EBF2: variants seen among roughly 807,000 people sequenced by gnomAD.
EBF2 encodes transcription factor COE2.
In EBF2, 21 loss-of-function variants were observed where a neutral mutation model predicts 72.8. That is an observed-to-expected ratio of 0.29 (90% CI 0.20 to 0.42). EBF2 has a LOEUF of 0.42. Among genes scored for constraint, EBF2 ranks in the 10% least tolerant of loss-of-function variants. The pLI is 1.00. For missense variants in EBF2, 637 were observed against 731.2 expected (o/e 0.87, Z 1.49); for synonymous variants, 299 against 274.2 (o/e 1.09, Z -0.89).
intron 10 of EBF2, among the ~76,000 whole-genome samples, chr8:25,864,930 T>C (rs1215057351): frequency 6.6e-6 from 1 of 151,916 alleles, no homozygotes; most frequent in Non-Finnish European, 1.5e-5. Flanking sequence ...CTTGAGTAGC[T>C]GGGCTTACAG....
At chr8:25,870,800 T>C (rs906859547) in intron 10 of EBF2, among the ~76,000 whole-genome samples, 7 of 151,984 alleles carry the variant, frequency 4.6e-5, no homozygotes, top group Admixed American at 1.3e-4. Flanking sequence ...GGCAGAATTG[T>C]CTATTTTTAT....
At chr8:25,958,049 C>T (rs905365259) in intron 6 of EBF2, among the ~76,000 whole-genome samples, 13 of 152,144 alleles carry the variant, frequency 8.5e-5, no homozygotes, top group African/African-American at 2.7e-4. Flanking sequence ...GATCTCTTTG[C>T]TGCATGTCTT....
intron 6 of EBF2, among the ~76,000 whole-genome samples, chr8:26,006,034 A>G (rs1346797859): frequency 6.6e-6 from 1 of 152,006 alleles, no homozygotes; most frequent in Non-Finnish European, 1.5e-5. Context: ...ACAAACATCC[A>G]TTTTCACAAG....
At chr8:26,040,491 C>A in intron 4 of EBF2, 125 bp downstream of exon 4, 5 of 802,122 alleles carry the variant, frequency 6.2e-6, no homozygotes, top group South Asian at 1.9e-5. Context: ...GGGAGGGGGA[C>A]GTGGAGGGGG....
chr8:25,958,605 T>C (rs2117176447), intron 6 of EBF2, among the ~76,000 whole-genome samples: 1 of 152,340 alleles, frequency 6.6e-6, no homozygotes, highest in South Asian at 2.1e-4. Context: ...TTGCTTCTTC[T>C]GCCATTCCCA....
rs1365677592 is a variant in EBF2 at position 25,936,705 on chromosome 8, T to C, written c.552-28150A>G. 2.6e-5 allele frequency among the ~76,000 whole-genome samples: 4 copies of C among 152,204 alleles called. No individual in the cohort carries two copies. The East Asian group carries it at 7.7e-4, about 29-fold the overall frequency. On this transcript the variant is annotated intron_variant, in intron 6 of 15. Transcript: ENST00000520164. ...GAGGGTTTCGTTGTTGTTGTTGTTT[T>C]GTTTTGGGATGTTATGTCTTCCATG... is the stretch of plus-strand genomic sequence containing the variant.
At chr8:25,920,388 G>A (rs1803287786) in intron 6 of EBF2, among the ~76,000 whole-genome samples, 1 of 152,222 alleles carries the variant, frequency 6.6e-6, no homozygotes, top group Non-Finnish European at 1.5e-5. Context: ...TAAAGCACTG[G>A]CCTGAGACTA....
At chr8:25,866,839 C>G (rs1451275160) in intron 10 of EBF2, among the ~76,000 whole-genome samples, 1 of 151,436 alleles carries the variant, frequency 6.6e-6, no homozygotes, top group Admixed American at 6.6e-5. Flanking sequence ...ACCATATTGG[C>G]CACGCTGGTC....
chr8:25,902,143 G>A (rs1312239997), intron 7 of EBF2, among the ~76,000 whole-genome samples: 1 of 152,184 alleles, frequency 6.6e-6, no homozygotes, highest in Non-Finnish European at 1.5e-5. Context: ...AATTCCTAGT[G>A]ATTTTTAGAA....
chr8:25,981,228 C>CA (rs1458682485), intron 6 of EBF2, among the ~76,000 whole-genome samples: 1 of 152,068 alleles, frequency 6.6e-6, no homozygotes, highest in Admixed American at 6.5e-5. Context: ...GCATTTTTTT[C>CA]ATCTCCTTGC....
chr8:25,897,162 G>A (rs193045593), intron 7 of EBF2, among the ~76,000 whole-genome samples: 16 of 152,184 alleles, frequency 1.1e-4, no homozygotes, highest in Middle Eastern at 3.4e-3. Flanking sequence ...CTCCAGCAGA[G>A]AGAAGGGACT....
At chr8:25,955,193 T>C (rs903190753) in intron 6 of EBF2, among the ~76,000 whole-genome samples, 3 of 152,196 alleles carry the variant, frequency 2.0e-5, no homozygotes, top group Non-Finnish European at 4.4e-5. Context: ...ACAAGGACCC[T>C]TGGGGACGGG....
rs551754293 is a variant in EBF2 at position 25,946,266 on chromosome 8, CA to C, written c.552-37712del. 3.4e-3 allele frequency among the ~76,000 whole-genome samples: 518 copies of C among 152,326 alleles called. 1 individual carries two copies. Among genetic ancestry groups the C allele is most frequent in the African/African-American group, 0.012 (500 of 41,566 alleles). ...GCATGGGACTGTGCACACAGATAAG[CA>C]GGCCAAGGAGTGTGCATGGGAAAGA... On this transcript the variant is annotated intron_variant, in intron 6 of 15. Transcript: ENST00000520164.
intron 6 of EBF2, among the ~76,000 whole-genome samples, chr8:25,922,549 A>G (rs1803321440): frequency 1.3e-5 from 2 of 152,204 alleles, no homozygotes; most frequent in Admixed American, 1.3e-4. Flanking sequence ...TAGTTCAGCC[A>G]CCCATTTCCT....
intron 1 of EBF2, among the ~76,000 whole-genome samples, chr8:26,043,451 C>T (rs770496348): frequency 6.6e-6 from 1 of 152,250 alleles, no homozygotes; most frequent in Non-Finnish European, 1.5e-5. Flanking sequence ...TAAGGAAATG[C>T]GCGGCACAGT....
intron 5 of EBF2, among the ~76,000 whole-genome samples, chr8:26,034,324 T>C (rs1427556343): frequency 6.6e-6 from 1 of 152,186 alleles, no homozygotes; most frequent in Admixed American, 6.5e-5. Context: ...AGAAATGGTA[T>C]CCCACTGTTT....
intron 10 of EBF2, among the ~76,000 whole-genome samples, chr8:25,867,448 T>G (rs1384032738): frequency 1.3e-5 from 2 of 152,206 alleles, no homozygotes; most frequent in Non-Finnish European, 2.9e-5. Flanking sequence ...TATTCTCCAC[T>G]TCTAGAAACC....
At chr8:25,850,559 A>C in intron 15 of EBF2, 35 bp downstream of exon 15, 1 of 1,507,722 alleles carries the variant, frequency 6.6e-7, no homozygotes. Context: ...ACCCTATGGT[A>C]CATTGTGTAT....
rs151109066 is a variant in EBF2 at position 25,903,425 on chromosome 8, G to C, written c.633+5049C>G. ...AAGACAGGGGCTACAGCCGGGCGCG[G>C]TGGCTCACGCCTGTAATCCCAGCAC... On this transcript the variant is annotated intron_variant, in intron 7 of 15. Transcript: ENST00000520164. 2.3e-3 allele frequency among the ~76,000 whole-genome samples: 343 copies of C among 152,246 alleles called. 1 individual carries two copies. The highest frequency in any genetic ancestry group is 2.9e-3 in the Non-Finnish European group (196 of 68,018).
Sources: gnomAD v4.1 joint callset for allele counts (sites outside exome capture counted in the v4.1 genomes callset) on GRCh38, gnomAD v4.1.1 for gene constraint, MANE v1.5 for transcripts, NCBI Gene and HGNC (gene_info 2026-07-23, HGNC 2026-07-21) for gene names.